The following MINK1 variants were observed in gnomAD, a reference collection of about 807,000 sequenced individuals.
MINK1 encodes the protein misshapen-like kinase 1.
MINK1 carries 46 observed loss-of-function variants against 178.4 expected under a neutral mutation model. The ratio of observed to expected loss-of-function variants is 0.26; its 90% CI spans 0.20 to 0.33. The LOEUF is 0.33. Among genes scored for constraint, MINK1 ranks in the 10% least tolerant of loss-of-function variants. MINK1 has a pLI of 1.00. For synonymous variants in MINK1, 797 were observed against 709.7 expected, an observed-to-expected ratio of 1.12 and a Z score of -1.96; for missense variants, 1,366 against 1,814.9, an observed-to-expected ratio of 0.75 and a Z score of 4.49.
In MINK1 at chr17:4,836,877, A is replaced by G. The variant is rs1459112270; in HGVS notation, c.57+3237A>G. Among the ~76,000 whole-genome samples, 1 of 152,014 alleles carries G rather than the reference A, an allele frequency of 6.6e-6. No individual in the cohort carries two copies. Among genetic ancestry groups the G allele is most frequent in the East Asian group, 1.9e-4 (1 of 5,200 alleles). ...TGACATATATATTCCTGTCAGCCCCACTAAAATGTCAGTTCAGTGGCCGGG... is the reference window on the plus strand; with the variant it reads ...TGACATATATATTCCTGTCAGCCCCGCTAAAATGTCAGTTCAGTGGCCGGG... On this transcript the variant is annotated intron_variant, in intron 1 of 31. Transcript: ENST00000355280. The surrounding 1 kb of genome is among the most constrained non-coding windows in gnomAD (Gnocchi z 4.3).
chr17:4,887,090 G>T lies in MINK1; in HGVS notation c.950-20G>T. 6.4e-7 allele frequency: 1 copy of T among 1,574,226 alleles called. No individual in the cohort carries two copies. ...GTCTGGGGCGCTGGGTGAGATAACT[G>T]CAGTGGCCTCCCCCTGCAGAGGAGA... is the stretch of plus-strand genomic sequence containing the variant. On this transcript the variant is annotated intron_variant, in intron 10 of 31. Transcript: ENST00000355280. The surrounding 1 kb of genome is among the most constrained non-coding windows in gnomAD (Gnocchi z 7.6).
intron 1 of MINK1, among the ~76,000 whole-genome samples, chr17:4,869,817 ATTTG>A (rs1489621499): frequency 1.2e-5 from 1 of 82,462 alleles, no homozygotes; most frequent in African/African-American, 4.5e-5. Context: ...TTATTATTTT[ATTTG>A]TTTATTTATT....
rs1290827611 is a variant in MINK1 at position 4,897,680 on chromosome 17, C to G, written c.*393C>G. ...TTGCACGTCAGGGGAGCCGGCTCCCCCCTTGAATGTACCAGACCCTGGGGG... is the reference window on the plus strand; with the variant it reads ...TTGCACGTCAGGGGAGCCGGCTCCCGCCTTGAATGTACCAGACCCTGGGGG... On this transcript the variant is annotated 3_prime_UTR_variant, in exon 32 of 32. Coordinates refer to ENST00000355280, the MANE Select transcript of MINK1 (RefSeq NM_153827.5). 6.1e-6 allele frequency: 1 copy of G among 164,314 alleles called. No homozygotes were observed. The highest frequency in any genetic ancestry group is 1.8e-4 in the South Asian group (1 of 5,496). The allele number at this position is 164,314 out of a possible 1,614,324, so 10.2% of individuals were successfully genotyped here.
At position 4,894,449 on chromosome 17, in the gene MINK1, C is replaced by T; in HGVS notation, c.2809-76C>T. On this transcript the variant is annotated intron_variant, in intron 23 of 31. Coordinates refer to ENST00000355280, the MANE Select transcript of MINK1 (RefSeq NM_153827.5). The surrounding 1 kb of genome is among the most constrained non-coding windows in gnomAD (Gnocchi z 4.1). ...GGGGGTGCCAGTTGGGGAGCTGGAG[C>T]CTGGGGAACAGCAGCAGGGGCAGGG... is the stretch of plus-strand genomic sequence containing the variant. 1 of 1,518,350 alleles carries T rather than the reference C, an allele frequency of 6.6e-7. No individual in the cohort carries two copies. The highest frequency in any genetic ancestry group is 2.0e-5 in the Admixed American group (1 of 51,026). The allele number at this position is 1,518,350 out of a possible 1,614,324, so 94.1% of individuals were successfully genotyped here. A position where few individuals can be genotyped will look rare whatever the true frequency, so the allele number is the denominator to read the frequency against.
At chr17:4,861,763 GGT>G (rs1914206321) in intron 1 of MINK1, 1 of 185,002 alleles carries the variant, frequency 5.4e-6, no homozygotes, top group Admixed American at 6.1e-5. Flanking sequence ...AGCCTCCCAA[GGT>G]GCTGGGATTA....
chr17:4,833,616 C>A lies in MINK1; in HGVS notation c.33C>A (p.Asp11Glu). MGDPAPARSL[D>E]DIDLSALRDP... is the part of the protein sequence containing the mutation. ...ACCCAGCCCCCGCCCGCAGCCTGGA[C>A]GACATCGACCTGTCCGCCCTGCGGG... The change falls in exon 1 of 32, where the codon GAC becomes GAA. Residue 11 changes from aspartate (D) to glutamate (E), a missense_variant. Physicochemically the swap from Asp to Glu is conservative, Grantham distance 45. Around this residue, in one of 14 missense-constraint regions of MINK1, gnomAD observed 22 missense variants for 21.7 expected, o/e 1.01. Coordinates refer to ENST00000355280, the MANE Select transcript of MINK1 (RefSeq NM_153827.5). This position sits in a 1 kb window ranked among gnomAD's most constrained non-coding sequence, Gnocchi z 4.8. The A allele has an allele frequency of 1.3e-6, 2 of 1,500,854 alleles. No homozygotes were observed. Among genetic ancestry groups the A allele is most frequent in the South Asian group, 1.2e-5 (1 of 80,498 alleles). 93.0% of individuals were successfully genotyped at this position (1,500,854 alleles called of 1,614,324 possible). A position where few individuals can be genotyped will look rare whatever the true frequency, so the allele number is the denominator to read the frequency against.
chr17:4,878,666 G>A (rs759856420), intron 2 of MINK1, among the ~76,000 whole-genome samples: 4 of 152,170 alleles, frequency 2.6e-5, no homozygotes, highest in Non-Finnish European at 5.9e-5. Context: ...AAGGGCATAC[G>A]GCCTTGTGTG....
At chr17:4,839,938 AAT>A (rs1491537116) in intron 1 of MINK1, among the ~76,000 whole-genome samples, 47 of 102,394 alleles carry the variant, frequency 4.6e-4, no homozygotes, top group East Asian at 2.0e-3. Context: ...ATTATTTATT[AAT>A]GTGTGTGTGT....
At chr17:4,872,838 G>C (rs72835040) in intron 1 of MINK1, among the ~76,000 whole-genome samples, 1 of 151,962 alleles carries the variant, frequency 6.6e-6, no homozygotes, top group African/African-American at 2.4e-5. Flanking sequence ...GATGATGAAC[G>C]ATCTTCCCTA....
chr17:4,868,166 G>A (rs541463345), intron 1 of MINK1, among the ~76,000 whole-genome samples: 3 of 151,972 alleles, frequency 2.0e-5, no homozygotes, highest in South Asian at 2.1e-4. Context: ...TAGTAGAGAT[G>A]GGGTTTCACC....
intron 1 of MINK1, among the ~76,000 whole-genome samples, chr17:4,863,050 A>G (rs1914418124): frequency 1.3e-5 from 2 of 152,188 alleles, no homozygotes; most frequent in South Asian, 4.1e-4. Context: ...ACAAAAACCA[A>G]AAAAAATCCT....
chr17:4,852,546 G>A, intron 1 of MINK1, among the ~76,000 whole-genome samples: 1 of 151,068 alleles, frequency 6.6e-6, no homozygotes, highest in African/African-American at 2.4e-5. Flanking sequence ...CCAGGAGTGA[G>A]AAGGAACAGA....
intron 1 of MINK1, chr17:4,847,055 C>A (rs1911145261): frequency 7.3e-6 from 3 of 410,362 alleles, no homozygotes; most frequent in South Asian, 5.2e-5. Flanking sequence ...CTGCCCGGAT[C>A]TCCTGTCCTG....
chr17:4,867,917 G>A (rs1371419437), intron 1 of MINK1, among the ~76,000 whole-genome samples: 5 of 151,622 alleles, frequency 3.3e-5, no homozygotes, highest in Non-Finnish European at 5.9e-5. Context: ...CATAATTTGG[G>A]CATCCATTAC....
Position 4,890,545 on chromosome 17 carries a change from A to G in MINK1, c.1376A>G (p.Gln459Arg). 1 of 1,589,914 alleles carries G rather than the reference A, an allele frequency of 6.3e-7. No homozygotes were observed. The highest frequency in any genetic ancestry group is 8.6e-7 in the Non-Finnish European group (1 of 1,168,916). ...QEYKRKQLEE[Q>R]RQSERLQRQL... ...TACAAGCGGAAGCAGCTGGAGGAGCAGCGGCAGTCAGAACGTCTCCAGAGG... is the reference window on the plus strand; with the variant it reads ...TACAAGCGGAAGCAGCTGGAGGAGCGGCGGCAGTCAGAACGTCTCCAGAGG... The change falls in exon 14 of 32, where the codon CAG becomes CGG. Residue 459 changes from glutamine (Q) to arginine (R), a missense_variant. Physicochemically the swap from Gln to Arg is conservative, Grantham distance 43. This residue lies in a region of MINK1 where 87 missense variants were observed against 78.9 expected (regional missense o/e 1.10). Transcript: ENST00000355280.
chr17:4,844,841 G>T lies in MINK1; in HGVS notation c.57+11201G>T, dbSNP rs115990691. ...CACCCTTTAAAAATGTGTTGTTGTT[G>T]TTTTTTAATGTGATTAAGTATATGT... is the stretch of plus-strand genomic sequence containing the variant. On this transcript the variant is annotated intron_variant, in intron 1 of 31. Transcript: ENST00000355280. Among the ~76,000 whole-genome samples the T allele has an allele frequency of 3.6e-3, 541 of 152,086 alleles. 10 individuals are homozygous for T. In the East Asian group the frequency reaches 0.057, roughly 16 times the overall value.
intron 12 of MINK1, 150 bp from the exon 13 acceptor site, chr17:4,889,497 G>T: frequency 2.8e-6 from 2 of 704,024 alleles, no homozygotes; most frequent in South Asian, 3.3e-5. Flanking sequence ...CCCTTGGGTG[G>T]GGATGGGTAT....
Position 4,885,812 on chromosome 17 carries a change from G to A in MINK1, c.640-99G>A, listed in dbSNP as rs1451942473. On this transcript the variant is annotated intron_variant, in intron 7 of 31. Transcript: ENST00000355280. The surrounding 1 kb of genome is among the most constrained non-coding windows in gnomAD (Gnocchi z 5.0). ...AGGCACTGCTGCAGGAATGGGTGTG[G>A]CCCAGGAAGGCTCCTGAGAGGCCAG... 1.0e-5 allele frequency: 15 copies of A among 1,451,970 alleles called. No homozygotes were observed. The highest frequency in any genetic ancestry group is 1.4e-5 in the Non-Finnish European group (15 of 1,051,850). The allele number at this position is 1,451,970 out of a possible 1,614,324, so 89.9% of individuals were successfully genotyped here.
intron 1 of MINK1, among the ~76,000 whole-genome samples, chr17:4,839,254 T>C (rs1456036002): frequency 4.6e-5 from 7 of 152,184 alleles, no homozygotes; most frequent in Admixed American, 2.0e-4. Context: ...AGACTCTTTT[T>C]CTTAACTGTT....
Sources: gnomAD v4.1 joint callset for allele counts (sites outside exome capture counted in the v4.1 genomes callset) on GRCh38, gnomAD v4.1.1 for gene constraint, gnomAD v4.1.1 regional missense constraint, Gnocchi (gnomAD v3.1) non-coding constraint, MANE v1.5 for transcripts, NCBI Gene and HGNC (gene_info 2026-07-23, HGNC 2026-07-21) for gene names.